Variants in VRK2 observed in about 807,000 individuals in gnomAD.
The protein encoded by VRK2 is serine/threonine-protein kinase VRK2.
In VRK2, 60 loss-of-function variants were observed where a neutral mutation model predicts 57.6. The ratio of observed to expected loss-of-function variants is 1.04; its 90% CI spans 0.85 to 1.29. The LOEUF is 1.29. Among genes scored for constraint, VRK2 ranks in the 50% most tolerant of loss-of-function variants. VRK2 has a pLI of 0.00. For synonymous variants in VRK2, 231 were observed against 199.2 expected (o/e 1.16, Z -1.35); for missense variants, 705 against 588.1 (o/e 1.20, Z -2.06).
intron 3 of VRK2, chr2:58,033,692 C>A (rs1674185589): frequency 1.3e-5 from 2 of 151,870 alleles, no homozygotes; most frequent in Non-Finnish European, 2.9e-5. Context: ...TTATATGAAT[C>A]AAAATTTTCC....
chr2:58,156,418 T>A (rs1018702512), intron 12 of VRK2, among the ~76,000 whole-genome samples: 2 of 152,182 alleles, frequency 1.3e-5, no homozygotes, highest in African/African-American at 4.8e-5. Context: ...TTGGAAAGGT[T>A]TTGTATGATT....
At position 58,076,464 on chromosome 2, in the gene VRK2, G is replaced by T. The variant is rs1457560152; in HGVS notation, c.137-7625G>T. The stretch of plus-strand genomic sequence containing the variant: ...AGAAAAGTTCAAAATTTAAAAATTC[G>T]AAGTATGATTTCTACTGAATGCACA... On this transcript the variant is annotated intron_variant, in intron 2 of 12. Coordinates refer to ENST00000340157, the MANE Select transcript of VRK2 (RefSeq NM_006296.7). 2.0e-5 allele frequency among the ~76,000 whole-genome samples: 3 copies of T among 151,800 alleles called. No homozygotes were observed. The East Asian group carries it at 5.8e-4, about 29-fold the overall frequency.
At chr2:58,052,008 G>A (rs1314505523) in intron 2 of VRK2, among the ~76,000 whole-genome samples, 1 of 152,112 alleles carries the variant, frequency 6.6e-6, no homozygotes. Context: ...TTAAATATCA[G>A]GAAGGAGAGA....
intron 10 of VRK2, among the ~76,000 whole-genome samples, chr2:58,136,769 A>T (rs575627928): frequency 6.9e-5 from 10 of 145,678 alleles, no homozygotes; most frequent in Admixed American, 3.5e-4. Context: ...ACATATATAT[A>T]TATCATATAT....
chr2:58,154,381 A>G (rs531676720), intron 12 of VRK2, among the ~76,000 whole-genome samples: 3 of 151,870 alleles, frequency 2.0e-5, no homozygotes, highest in African/African-American at 7.2e-5. Context: ...TATGGGGTAC[A>G]ATGTGATGCT....
Position 58,089,615 on chromosome 2 carries a change from CTATT to C in VRK2, c.451-10_451-7del, listed in dbSNP as rs1448285541. ...TAAATAGCAGTAAACCTTATTTTAT[CTATT>C]TATTTTCACAGTTGGATGTACTGGA... On this transcript the variant is annotated splice_polypyrimidine_tract_variant and intron_variant, in intron 6 of 12. Transcript: ENST00000340157. 7.3e-6 allele frequency: 11 copies of C among 1,502,628 alleles called. No homozygotes were observed. The highest frequency in any genetic ancestry group is 1.0e-5 in the Non-Finnish European group (11 of 1,095,740). The allele number at this position is 1,502,628 out of a possible 1,614,324, so 93.1% of individuals were successfully genotyped here.
chr2:58,070,034 A>G lies in VRK2; in HGVS notation c.137-14055A>G, dbSNP rs147849567. ...CAGGTTTGTGGAAAACTGAGCAGATAGTACAGAATTCTCATATACTACCTC... is the reference window on the plus strand; with the variant it reads ...CAGGTTTGTGGAAAACTGAGCAGATGGTACAGAATTCTCATATACTACCTC... On this transcript the variant is annotated intron_variant, in intron 2 of 12. Coordinates refer to ENST00000340157, the MANE Select transcript of VRK2 (RefSeq NM_006296.7). 5.9e-5 allele frequency among the ~76,000 whole-genome samples: 9 copies of G among 152,312 alleles called. No individual in the cohort carries two copies. In the East Asian group the frequency reaches 1.7e-3, roughly 29 times the overall value.
intron 3 of VRK2, among the ~76,000 whole-genome samples, chr2:58,037,263 G>A (rs748062096): frequency 2.0e-5 from 3 of 151,910 alleles, no homozygotes; most frequent in South Asian, 2.1e-4. Flanking sequence ...GTACACGGTC[G>A]CAGGTGTTTC....
intron 11 of VRK2, among the ~76,000 whole-genome samples, chr2:58,141,590 G>C (rs1414967918): frequency 6.6e-6 from 1 of 151,876 alleles, no homozygotes; most frequent in African/African-American, 2.4e-5. Context: ...ACAGTAAGAT[G>C]ATTTGGGGAT....
At chr2:58,059,230 T>C (rs913477949) in intron 2 of VRK2, among the ~76,000 whole-genome samples, 2 of 152,034 alleles carry the variant, frequency 1.3e-5, no homozygotes, top group Non-Finnish European at 2.9e-5. Context: ...TGGAAAAAAT[T>C]GCGAATAGTC....
At chr2:57,982,921 T>C (rs1672476682) in intron 1 of VRK2, among the ~76,000 whole-genome samples, 1 of 152,186 alleles carries the variant, frequency 6.6e-6, no homozygotes, top group African/African-American at 2.4e-5. Flanking sequence ...ATAGTTCTCC[T>C]TGACAGCTCA....
chr2:58,120,297 T>C (rs1677277006), intron 7 of VRK2, among the ~76,000 whole-genome samples: 1 of 150,534 alleles, frequency 6.6e-6, no homozygotes, highest in Non-Finnish European at 1.5e-5. Context: ...TTTAAGCAAT[T>C]CTCCTGCCTC....
At chr2:58,104,612 T>C (rs959625840) in intron 7 of VRK2, among the ~76,000 whole-genome samples, 2 of 151,884 alleles carry the variant, frequency 1.3e-5, no homozygotes, top group African/African-American at 4.8e-5. Flanking sequence ...ATCAGAAGAA[T>C]TGTTAAAATG....
intron 1 of VRK2, chr2:58,047,304 C>T: frequency 1.9e-6 from 1 of 534,856 alleles, no homozygotes. Context: ...GAGGTCAGCC[C>T]AGGCACATGT....
At chr2:58,003,579 C>T (rs1673152679) in intron 1 of VRK2, among the ~76,000 whole-genome samples, 1 of 151,966 alleles carries the variant, frequency 6.6e-6, no homozygotes, top group African/African-American at 2.4e-5. Context: ...AATTATATTC[C>T]ATGCAATATT....
chr2:57,930,510 A>C (rs547293948), intron 1 of VRK2, among the ~76,000 whole-genome samples: 1 of 152,288 alleles, frequency 6.6e-6, no homozygotes, highest in Admixed American at 6.5e-5. Flanking sequence ...TCTGTGATAC[A>C]AAGTTAAAAC....
intron 7 of VRK2, among the ~76,000 whole-genome samples, chr2:58,108,452 C>T (rs1165483034): frequency 6.6e-6 from 1 of 152,138 alleles, no homozygotes; most frequent in Non-Finnish European, 1.5e-5. Flanking sequence ...AAAAATTGTG[C>T]CCCACCTTCT....
intron 1 of VRK2, among the ~76,000 whole-genome samples, chr2:57,985,530 A>G (rs1672568860): frequency 6.6e-6 from 1 of 152,022 alleles, no homozygotes; most frequent in Non-Finnish European, 1.5e-5. Context: ...CTGCTCCTAT[A>G]TATATGATAT....
At position 58,046,835 on chromosome 2, in the gene VRK2, C is replaced by G; in HGVS notation, c.-39C>G. 1 of 985,584 alleles carries G rather than the reference C, an allele frequency of 1.0e-6. No individual in the cohort carries two copies. Among genetic ancestry groups the G allele is most frequent in the African/African-American group, 1.7e-5 (1 of 57,352 alleles). The allele number at this position is 985,584 out of a possible 1,614,324, so 61.1% of individuals were successfully genotyped here. A position where few individuals can be genotyped will look rare whatever the true frequency, so the allele number is the denominator to read the frequency against. ...TCGCAGCGGCAGGTAGGAGGCGGTGCGCGCGGCCCGGCGACGGGGGATCCT... is the reference window on the plus strand; with the variant it reads ...TCGCAGCGGCAGGTAGGAGGCGGTGGGCGCGGCCCGGCGACGGGGGATCCT... On this transcript the variant is annotated 5_prime_UTR_variant, in exon 1 of 13. Transcript: ENST00000340157.
Sources: gnomAD v4.1 joint callset for allele counts (sites outside exome capture counted in the v4.1 genomes callset) on GRCh38, gnomAD v4.1.1 for gene constraint, MANE v1.5 for transcripts, NCBI Gene and HGNC (gene_info 2026-07-23, HGNC 2026-07-21) for gene names.